B3GNT8: variants seen among roughly 807,000 people sequenced by gnomAD.
B3GNT8 encodes the protein UDP-GlcNAc:betaGal beta-1,3-N-acetylglucosaminyltransferase 8.
For missense variants in B3GNT8, 502 were observed against 530.5 expected, an observed-to-expected ratio of 0.95 and a Z score of 0.53; for synonymous variants, 258 against 238.3, an observed-to-expected ratio of 1.08 and a Z score of -0.76.
chr19:41,426,187 G>A lies in B3GNT8; in HGVS notation c.592C>T (p.Leu198=), dbSNP rs544362832. Residue 198 remains leucine (L), a synonymous_variant, in exon 2 of 2, where the codon CTA becomes TTA. Coordinates refer to ENST00000691102, the MANE Select transcript of B3GNT8 (RefSeq NM_001385648.2). This position sits in a 1 kb window ranked among gnomAD's most constrained non-coding sequence, Gnocchi z 4.9. ...TAGCGACGGCTCTCCCAGGCCACTA[G>A]TGAGTCTAGGTCAGGCCCCGCCTCA... ...VGEAGPDLDS[L]VAWESRRYSD... The A allele has an allele frequency of 1.2e-6, 2 of 1,613,834 alleles. No homozygotes were observed. The highest frequency in any genetic ancestry group is 2.2e-5 in the East Asian group (1 of 44,872).
In B3GNT8 at chr19:41,426,114, G is replaced by A. The variant is rs376038103; in HGVS notation, c.665C>T (p.Thr222Met). 28 of 1,613,658 alleles carry A rather than the reference G, an allele frequency of 1.7e-5. No individual in the cohort carries two copies. Among genetic ancestry groups the A allele is most frequent in the Middle Eastern group, 1.6e-4 (1 of 6,084 alleles). The change falls in exon 2 of 2, where the codon ACG becomes ATG. Residue 222 changes from threonine (T) to methionine (M), a missense_variant. By Grantham distance (81) the Thr-to-Met change is moderately conservative (BLOSUM62 -1). Transcript: ENST00000691102. The surrounding 1 kb of genome is among the most constrained non-coding windows in gnomAD (Gnocchi z 4.9). ...WDFLDVPFNQTLKDLLLLAWL... is the reference protein window; with the variant it reads ...WDFLDVPFNQMLKDLLLLAWL... ...GGCCAGCAGCAGCAGGTCTTTGAGC[G>A]TCTGGTTGAATGGGACGTCGAGGAA...
Position 41,426,905 on chromosome 19 carries a change from C to G in B3GNT8, c.-32-95G>C. On this transcript the variant is annotated intron_variant, in intron 1 of 1. Coordinates refer to ENST00000691102, the MANE Select transcript of B3GNT8 (RefSeq NM_001385648.2). The surrounding 1 kb of genome is among the most constrained non-coding windows in gnomAD (Gnocchi z 4.9). ...GCCAGGCCCCAGGCAGACAGCTTCA[C>G]AATCTCCCATAGTCCCCGCCAACCC... The G allele has an allele frequency of 1.1e-6, 1 of 943,334 alleles. No individual in the cohort carries two copies. 58.4% of individuals were successfully genotyped at this position (943,334 alleles called of 1,614,324 possible).
chr19:41,426,947 C>G lies in B3GNT8; in HGVS notation c.-32-137G>C. 1 of 720,234 alleles carries G rather than the reference C, an allele frequency of 1.4e-6. No individual in the cohort carries two copies. The highest frequency in any genetic ancestry group is 2.3e-6 in the Non-Finnish European group (1 of 433,082). The allele number at this position is 720,234 out of a possible 1,614,324, so 44.6% of individuals were successfully genotyped here. A position where few individuals can be genotyped will look rare whatever the true frequency, so the allele number is the denominator to read the frequency against. On this transcript the variant is annotated intron_variant, in intron 1 of 1. Transcript: ENST00000691102. This position sits in a 1 kb window ranked among gnomAD's most constrained non-coding sequence, Gnocchi z 4.9. The stretch of plus-strand genomic sequence containing the variant: ...CGCCAACCCCCATAACAGATTCTCT[C>G]GGTCCCAGATCCTAAACAGCTCCCC...
chr19:41,426,344 A>T lies in B3GNT8; in HGVS notation c.435T>A (p.Thr145=). ...GGSQVSSCSD[T]DVPYLLLAVK... ...CGGCCAACAGCAGGTAGGGGACATC[A>T]GTATCTGAGCAGCTGGAGACTTGGC... is the stretch of plus-strand genomic sequence containing the variant. The change falls in exon 2 of 2, where the codon ACT becomes ACA. Residue 145 remains threonine, a synonymous_variant. Transcript: ENST00000691102. This position sits in a 1 kb window ranked among gnomAD's most constrained non-coding sequence, Gnocchi z 4.9. 1 of 1,613,294 alleles carries T rather than the reference A, an allele frequency of 6.2e-7. No homozygotes were observed. Among genetic ancestry groups the T allele is most frequent in the Non-Finnish European group, 8.5e-7 (1 of 1,180,018 alleles).
rs371855817 is a variant in B3GNT8 at position 41,426,616 on chromosome 19, G to T, written c.163C>A (p.Pro55Thr). 31 of 1,612,220 alleles carry T rather than the reference G, an allele frequency of 1.9e-5. No homozygotes were observed. Among genetic ancestry groups the T allele is most frequent in the Non-Finnish European group, 2.5e-5 (30 of 1,179,244 alleles). ...CCCAGGCGGGTGGAGAGGTTGGCAG[G>T]TAGGGTGGGCTCAGGGTTGGCTGGC... Reference protein sequence around the residue: ...PTPANPEPTLPANLSTRLGQT... With the variant: ...PTPANPEPTLTANLSTRLGQT... The change falls in exon 2 of 2, where the codon CCT becomes ACT. Residue 55 changes from proline to threonine, a missense_variant. Transcript: ENST00000691102. This position sits in a 1 kb window ranked among gnomAD's most constrained non-coding sequence, Gnocchi z 4.9.
rs749096176 is a variant in B3GNT8 at position 41,425,858 on chromosome 19, C to T, written c.921G>A (p.Gly307=). The T allele has an allele frequency of 1.2e-5, 20 of 1,613,074 alleles. No homozygotes were observed. In the African/African-American group the frequency reaches 2.4e-4, roughly 19 times the overall value. ...FEGGYPAYAS[G]GGYVIAGRLA... is the part of the protein sequence containing the mutation. ...GGCGCCCGGCAATGACGTAGCCACCCCCGCTTGCATAGGCTGGGTAGCCAC... is the reference window on the plus strand; with the variant it reads ...GGCGCCCGGCAATGACGTAGCCACCTCCGCTTGCATAGGCTGGGTAGCCAC... Residue 307 remains glycine, a synonymous_variant, in exon 2 of 2, where the codon GGG becomes GGA. Transcript: ENST00000691102.
chr19:41,425,558 C>G lies in B3GNT8; in HGVS notation c.*27G>C. 1 of 1,469,644 alleles carries G rather than the reference C, an allele frequency of 6.8e-7. No individual in the cohort carries two copies. The highest frequency in any genetic ancestry group is 9.0e-7 in the Non-Finnish European group (1 of 1,108,318). 91.0% of individuals were successfully genotyped at this position (1,469,644 alleles called of 1,614,324 possible). On this transcript the variant is annotated 3_prime_UTR_variant, in exon 2 of 2. Transcript: ENST00000691102. ...CCGGCCCCAGAGGCCCAGGCCAGGT[C>G]AGCACCTCCGCCCTCCCCAATGAGA...
At position 41,426,500 on chromosome 19, in the gene B3GNT8, GC is replaced by G; in HGVS notation, c.278del (p.Gly93AlafsTer75). ...LPSGDSTETG[G>X]CQAWGAAAAT... ...CGGCGGCGGCCCCCCAAGCCTGGCAGCCCCCCGTTTCAGTGCTGTCCCCACT... is the reference window on the plus strand; with the variant it reads ...CGGCGGCGGCCCCCCAAGCCTGGCAGCCCCCGTTTCAGTGCTGTCCCCACT... On this transcript the variant is annotated frameshift_variant, in exon 2 of 2. Transcript: ENST00000691102. LOFTEE classifies it low-confidence loss of function (END_TRUNC). The surrounding 1 kb of genome is among the most constrained non-coding windows in gnomAD (Gnocchi z 4.9). 1 of 1,597,068 alleles carries G rather than the reference GC, an allele frequency of 6.3e-7. No individual in the cohort carries two copies. The highest frequency in any genetic ancestry group is 2.2e-5 in the East Asian group (1 of 44,756).
chr19:41,426,021 G>GT lies in B3GNT8; in HGVS notation c.757dup (p.Thr253AsnfsTer23). On this transcript the variant is annotated frameshift_variant, in exon 2 of 2. Coordinates refer to ENST00000691102, the MANE Select transcript of B3GNT8 (RefSeq NM_001385648.2). LOFTEE classifies it low-confidence loss of function (END_TRUNC). This position sits in a 1 kb window ranked among gnomAD's most constrained non-coding sequence, Gnocchi z 4.9. ...CCGCAGGTGAGCCAGCAGGGCAGGG[G>GT]TGTGTACAAAGGCATCGTCCTGAGC... is the stretch of plus-strand genomic sequence containing the variant. 6.2e-7 allele frequency: 1 copy of GT among 1,612,960 alleles called. No individual in the cohort carries two copies. Among genetic ancestry groups the GT allele is most frequent in the Non-Finnish European group, 8.5e-7 (1 of 1,179,448 alleles).
rs2039419554 is a variant in B3GNT8, at chr19:41,425,472, G to A, written c.*113C>T. On this transcript the variant is annotated 3_prime_UTR_variant, in exon 2 of 2. Transcript: ENST00000691102. ...GGGAGGCCAAGGAGTGGCTTAAGTTGTCCAGCTTCTGGGCCCTCCTCCCTC... is the reference window on the plus strand; with the variant it reads ...GGGAGGCCAAGGAGTGGCTTAAGTTATCCAGCTTCTGGGCCCTCCTCCCTC... 2 of 871,542 alleles carry A rather than the reference G, an allele frequency of 2.3e-6. No individual in the cohort carries two copies. Among genetic ancestry groups the A allele is most frequent in the Non-Finnish European group, 3.2e-6 (2 of 623,084 alleles). The allele number at this position is 871,542 out of a possible 1,614,324, so 54.0% of individuals were successfully genotyped here.
Position 41,426,562 on chromosome 19 carries a change from A to T in B3GNT8, c.217T>A (p.Trp73Arg). The change falls in exon 2 of 2, where the codon TGG becomes AGG. Residue 73 changes from tryptophan (W) to arginine (R), a missense_variant. By Grantham distance (101) the Trp-to-Arg change is moderately radical (BLOSUM62 -3). Coordinates refer to ENST00000691102, the MANE Select transcript of B3GNT8 (RefSeq NM_001385648.2). This position sits in a 1 kb window ranked among gnomAD's most constrained non-coding sequence, Gnocchi z 4.9. ...CCCAGCCGCCACTGCTGCTGGTTCC[A>T]GTAAGCAAAGGGCAGCGGGATAGTC... is the stretch of plus-strand genomic sequence containing the variant. ...GQTIPLPFAYWNQQQWRLGSL... is the reference protein window; with the variant it reads ...GQTIPLPFAYRNQQQWRLGSL... 1 of 1,602,500 alleles carries T rather than the reference A, an allele frequency of 6.2e-7. No individual in the cohort carries two copies. The highest frequency in any genetic ancestry group is 8.5e-7 in the Non-Finnish European group (1 of 1,173,926).
At chr19:41,427,879 G>A (rs1377995714), upstream of B3GNT8, among the ~76,000 whole-genome samples, 1 of 103,006 alleles carries the variant, frequency 9.7e-6, no homozygotes, top group African/African-American at 3.1e-5. The surrounding 1 kb of genome is among the most constrained non-coding windows in gnomAD (Gnocchi z 5.6). Context: ...GGGGGAACGG[G>A]GCTGGTGAGG....
At position 41,426,472 on chromosome 19, in the gene B3GNT8, T is replaced by TGGC. The variant is rs755737578; in HGVS notation, c.304_306dup (p.Ala102dup). ...TAGGAGGCGAAGTCAGGGATCTCGG[T>TGGC]GGCGGCGGCGGCCCCCCAAGCCTGG... On this transcript the variant is annotated inframe_insertion, in exon 2 of 2. Transcript: ENST00000691102. The surrounding 1 kb of genome is among the most constrained non-coding windows in gnomAD (Gnocchi z 4.9). The TGGC allele has an allele frequency of 6.2e-7, 1 of 1,603,486 alleles. No individual in the cohort carries two copies. Among genetic ancestry groups the TGGC allele is most frequent in the Non-Finnish European group, 8.5e-7 (1 of 1,175,302 alleles).
chr19:41,425,549 A>AGGCCAGGGCCAG lies in B3GNT8; in HGVS notation c.*35_*36insCTGGCCCTGGCC, dbSNP rs61117695. ...AGCCAGGGGCCGGCCCCAGAGGCCC[A>AGGCCAGGGCCAG]GGCCAGGTCAGCACCTCCGCCCTCC... On this transcript the variant is annotated 3_prime_UTR_variant, in exon 2 of 2. Coordinates refer to ENST00000691102, the MANE Select transcript of B3GNT8 (RefSeq NM_001385648.2). The AGGCCAGGGCCAG allele has an allele frequency of 1.9e-4, 265 of 1,404,304 alleles. 2 individuals carry two copies. In the African/African-American group the frequency reaches 3.1e-3, roughly 16 times the overall value. 87.0% of individuals were successfully genotyped at this position (1,404,304 alleles called of 1,614,324 possible). A position where few individuals can be genotyped will look rare whatever the true frequency, so the allele number is the denominator to read the frequency against.
Position 41,425,460 on chromosome 19 carries a change from G to T in B3GNT8, c.*125C>A. ...GCCCCTGGCTGGGGGAGGCCAAGGAGTGGCTTAAGTTGTCCAGCTTCTGGG... is the reference window on the plus strand; with the variant it reads ...GCCCCTGGCTGGGGGAGGCCAAGGATTGGCTTAAGTTGTCCAGCTTCTGGG... On this transcript the variant is annotated 3_prime_UTR_variant, in exon 2 of 2. Transcript: ENST00000691102. 2.8e-6 allele frequency: 2 copies of T among 712,742 alleles called. No homozygotes were observed. Among genetic ancestry groups the T allele is most frequent in the Non-Finnish European group, 4.1e-6 (2 of 486,814 alleles). 44.2% of individuals were successfully genotyped at this position (712,742 alleles called of 1,614,324 possible). A position where few individuals can be genotyped will look rare whatever the true frequency, so the allele number is the denominator to read the frequency against.
chr19:41,428,094 A>C (rs185939715), upstream of B3GNT8, among the ~76,000 whole-genome samples: 134 of 151,914 alleles, frequency 8.8e-4, no homozygotes, highest in South Asian at 1.9e-3. The surrounding 1 kb of genome is among the most constrained non-coding windows in gnomAD (Gnocchi z 6.1). Flanking sequence ...TGGGGTGCTC[A>C]TGGGGAAAGA....
Position 41,426,699 on chromosome 19 carries a change from G to T in B3GNT8, c.80C>A (p.Ser27Tyr), listed in dbSNP as rs532330489. Reference sequence around the variant, plus strand: ...GTAGGCCTTGCTGAGCCGGGACTCGGATGTCCACTCGATGTACACTTTGAG... The same window carrying T: ...GTAGGCCTTGCTGAGCCGGGACTCGTATGTCCACTCGATGTACACTTTGAG... ...LGLKVYIEWT[S>Y]ESRLSKAYPS... is the part of the protein sequence containing the mutation. Residue 27 changes from serine to tyrosine, a missense_variant, in exon 2 of 2, where the codon TCC (serine) becomes TAC (tyrosine). Coordinates refer to ENST00000691102, the MANE Select transcript of B3GNT8 (RefSeq NM_001385648.2). This position sits in a 1 kb window ranked among gnomAD's most constrained non-coding sequence, Gnocchi z 4.9. 3 of 1,613,768 alleles carry T rather than the reference G, an allele frequency of 1.9e-6. No individual in the cohort carries two copies. The highest frequency in any genetic ancestry group is 3.3e-5 in the Admixed American group (2 of 60,028).
chr19:41,425,800 C>A lies in B3GNT8; in HGVS notation c.979G>T (p.Val327Leu), dbSNP rs1400124522. ...APWLLRAAAR[V>L]APFPFEDVYT... Reference sequence around the variant, plus strand: ...ACGTCCTCAAAGGGGAAGGGTGCCACACGGGCTGCCGCCCGCAGCAGCCAG... The same window carrying A: ...ACGTCCTCAAAGGGGAAGGGTGCCAAACGGGCTGCCGCCCGCAGCAGCCAG... The change falls in exon 2 of 2, where the codon GTG (valine) becomes TTG (leucine). Residue 327 changes from valine to leucine, a missense_variant. Transcript: ENST00000691102. 2.5e-6 allele frequency: 4 copies of A among 1,612,632 alleles called. No individual in the cohort carries two copies. The African/African-American group carries it at 5.3e-5, about 22-fold the overall frequency.
chr19:41,425,475 C>T lies in B3GNT8; in HGVS notation c.*110G>A. ...AGGCCAAGGAGTGGCTTAAGTTGTC[C>T]AGCTTCTGGGCCCTCCTCCCTCCCA... is the stretch of plus-strand genomic sequence containing the variant. On this transcript the variant is annotated 3_prime_UTR_variant, in exon 2 of 2. Coordinates refer to ENST00000691102, the MANE Select transcript of B3GNT8 (RefSeq NM_001385648.2). 1.1e-6 allele frequency: 1 copy of T among 915,706 alleles called. No homozygotes were observed. The highest frequency in any genetic ancestry group is 1.5e-6 in the Non-Finnish European group (1 of 662,892). 56.7% of individuals were successfully genotyped at this position (915,706 alleles called of 1,614,324 possible). A position where few individuals can be genotyped will look rare whatever the true frequency, so the allele number is the denominator to read the frequency against.
Sources: gnomAD v4.1 joint callset for allele counts (sites outside exome capture counted in the v4.1 genomes callset) on GRCh38, gnomAD v4.1.1 for gene constraint, Gnocchi (gnomAD v3.1) non-coding constraint, MANE v1.5 for transcripts, NCBI Gene and HGNC (gene_info 2026-07-23, HGNC 2026-07-21) for gene names.